Variants in TSEN2 observed in about 807,000 individuals in gnomAD.
The protein encoded by TSEN2 is tRNA splicing endonuclease subunit 2.
A neutral mutation model predicts 59.2 loss-of-function variants in TSEN2; 54 were observed. The observed-to-expected ratio is 0.91, with a 90% confidence interval of 0.73 to 1.14. The LOEUF is 1.14. TSEN2 is among the 50% of genes most tolerant of loss of function. The pLI, the probability that TSEN2 is intolerant of heterozygous loss-of-function variation, is 0.00. For missense variants in TSEN2, 636 were observed against 576.2 expected, an observed-to-expected ratio of 1.10 and a Z score of -1.06; for synonymous variants, 195 against 198.2, an observed-to-expected ratio of 0.98 and a Z score of 0.14.
At chr3:12,496,485 T>C in intron 3 of TSEN2, 33 bp from the exon 4 acceptor site, 1 of 1,612,588 alleles carries the variant, frequency 6.2e-7, no homozygotes, top group Non-Finnish European at 8.5e-7. Context: ...TATGGGAAAT[T>C]TGCCTGAAAC....
chr3:12,495,167 A>AT (rs1319377608), intron 3 of TSEN2, among the ~76,000 whole-genome samples: 21 of 150,678 alleles, frequency 1.4e-4, no homozygotes, highest in African/African-American at 5.1e-4. Context: ...TTTACAAGAG[A>AT]TTTTTTTAAA....
chr3:12,508,292 A>T (rs2055054842), intron 6 of TSEN2, among the ~76,000 whole-genome samples: 1 of 152,164 alleles, frequency 6.6e-6, no homozygotes, highest in Non-Finnish European at 1.5e-5. Context: ...GTAATAGGAG[A>T]CAGGAGATGA....
At chr3:12,517,160 T>TC (rs759804208) in intron 7 of TSEN2, among the ~76,000 whole-genome samples, 6 of 151,756 alleles carry the variant, frequency 4.0e-5, no homozygotes, top group Non-Finnish European at 8.8e-5. Context: ...ATCCTGGCTA[T>TC]CCTGGCTAAC....
chr3:12,497,690 G>A (rs1049711037), intron 4 of TSEN2, among the ~76,000 whole-genome samples: 2 of 152,218 alleles, frequency 1.3e-5, no homozygotes, highest in South Asian at 2.1e-4. Context: ...GCCTGCCAGC[G>A]TAGAGGTTCT....
At chr3:12,532,559 T>C in intron 11 of TSEN2, 103 bp from the exon 12 acceptor site, 1 of 1,118,862 alleles carries the variant, frequency 8.9e-7, no homozygotes, top group Non-Finnish European at 1.4e-6. Flanking sequence ...ATCATCATTA[T>C]ATAGACCGCC....
At chr3:12,527,314 G>A (rs2057161632) in intron 8 of TSEN2, among the ~76,000 whole-genome samples, 1 of 152,162 alleles carries the variant, frequency 6.6e-6, no homozygotes, top group Non-Finnish European at 1.5e-5. Context: ...GGTTACTAAA[G>A]TCATGCTACA....
At chr3:12,526,828 T>G (rs1377037091) in intron 8 of TSEN2, among the ~76,000 whole-genome samples, 22 of 152,240 alleles carry the variant, frequency 1.4e-4, no homozygotes, top group Admixed American at 1.4e-3. Context: ...GAGCCCATCA[T>G]CAGAAATTAC....
At chr3:12,497,689 C>G (rs1452024200) in intron 4 of TSEN2, among the ~76,000 whole-genome samples, 2 of 152,322 alleles carry the variant, frequency 1.3e-5, no homozygotes, top group Non-Finnish European at 2.9e-5. Flanking sequence ...AGCCTGCCAG[C>G]GTAGAGGTTC....
chr3:12,525,768 T>C (rs1211267236), intron 8 of TSEN2, among the ~76,000 whole-genome samples: 1 of 151,182 alleles, frequency 6.6e-6, no homozygotes, highest in Non-Finnish European at 1.5e-5. Context: ...TTTCAATGTG[T>C]TGGCCAGGCT....
At chr3:12,506,912 G>T in intron 6 of TSEN2, 1 of 974,914 alleles carries the variant, frequency 1.0e-6, no homozygotes, top group Non-Finnish European at 1.2e-6. Flanking sequence ...GTAATTGTGG[G>T]GGCCGGGCGC....
intron 1 of TSEN2, among the ~76,000 whole-genome samples, chr3:12,488,893 C>G (rs1383587653): frequency 3.3e-5 from 5 of 152,130 alleles, no homozygotes. Flanking sequence ...CACTCGGGGT[C>G]GTCTACAAAT....
chr3:12,488,149 C>G (rs2052820141), intron 1 of TSEN2, among the ~76,000 whole-genome samples: 1 of 152,200 alleles, frequency 6.6e-6, no homozygotes, highest in South Asian at 2.1e-4. Context: ...ACTCTTAAAG[C>G]CACTCACCTT....
upstream of TSEN2, among the ~76,000 whole-genome samples, chr3:12,480,980 G>A (rs1360534127): frequency 6.6e-6 from 1 of 152,214 alleles, no homozygotes; most frequent in Non-Finnish European, 1.5e-5. Context: ...GGCTGCAGAA[G>A]AGAGGTAAGA....
intron 6 of TSEN2, chr3:12,514,768 C>T (rs1439381387): frequency 6.6e-6 from 1 of 152,144 alleles, no homozygotes; most frequent in Non-Finnish European, 1.5e-5. Context: ...ATGACCCCTG[C>T]CCACGGATGA....
chr3:12,518,980 A>C, intron 7 of TSEN2, 79 bp from the exon 8 acceptor site: 4 of 1,400,002 alleles, frequency 2.9e-6, no homozygotes, highest in Non-Finnish European at 4.0e-6. Flanking sequence ...CACACTTAGT[A>C]TAGATGTTGG....
At chr3:12,536,741 C>CT (rs938510808), downstream of TSEN2, among the ~76,000 whole-genome samples, 5 of 152,052 alleles carry the variant, frequency 3.3e-5, no homozygotes, top group African/African-American at 1.2e-4. Context: ...TGGCTCATGC[C>CT]TATAATCCTA....
At chr3:12,481,897 A>ATGTGTGTG (rs151178256), upstream of TSEN2, among the ~76,000 whole-genome samples, 22,721 of 149,982 alleles carry the variant, frequency 0.15, 1,789 homozygotes, top group Non-Finnish European at 0.16. Flanking sequence ...CAGTTGATAT[A>ATGTGTGTG]TGTGTGTGTG....
intron 6 of TSEN2, chr3:12,506,645 T>G (rs183836819): frequency 2.1e-6 from 2 of 969,272 alleles, no homozygotes; most frequent in East Asian, 1.1e-4. Context: ...CCCAGTGACC[T>G]GGAGTTCCTC....
At chr3:12,497,564 G>A (rs981752781) in intron 4 of TSEN2, among the ~76,000 whole-genome samples, 1 of 152,200 alleles carries the variant, frequency 6.6e-6, no homozygotes, top group Non-Finnish European at 1.5e-5. Flanking sequence ...CCTTGGAGGA[G>A]CTATAGTGCA....
Sources: gnomAD v4.1 joint callset for allele counts (sites outside exome capture counted in the v4.1 genomes callset) on GRCh38, gnomAD v4.1.1 for gene constraint, MANE v1.5 for transcripts, NCBI Gene and HGNC (gene_info 2026-07-23, HGNC 2026-07-21) for gene names.